WDR43: variants seen among roughly 807,000 people sequenced by gnomAD.
WDR43 encodes the protein WD repeat domain 43, also known as WD repeat-containing protein 43.
Under a neutral mutation model 91.4 loss-of-function variants are expected in WDR43, and 13 were observed. That is an observed-to-expected ratio of 0.14 (90% CI 0.09 to 0.23). WDR43 has a LOEUF of 0.23. WDR43 is among the 10% of genes least tolerant of loss of function. The pLI, the probability that WDR43 is intolerant of heterozygous loss-of-function variation, is 1.00. For synonymous variants in WDR43, 331 were observed against 287.9 expected, an observed-to-expected ratio of 1.15 and a Z score of -1.51; for missense variants, 780 against 809.4, an observed-to-expected ratio of 0.96 and a Z score of 0.44.
chr2:28,908,214 T>C (rs1670721350), intron 3 of WDR43, among the ~76,000 whole-genome samples: 1 of 152,162 alleles, frequency 6.6e-6, no homozygotes, highest in African/African-American at 2.4e-5. Flanking sequence ...GAAATTATGG[T>C]CAGAAGAGAT....
At chr2:28,932,532 T>G (rs1671268481) in intron 11 of WDR43, among the ~76,000 whole-genome samples, 1 of 152,192 alleles carries the variant, frequency 6.6e-6, no homozygotes, top group African/African-American at 2.4e-5. Context: ...GATTATGCAT[T>G]TATATATTCT....
At chr2:28,900,318 T>G (rs970567265) in intron 1 of WDR43, among the ~76,000 whole-genome samples, 1 of 152,070 alleles carries the variant, frequency 6.6e-6, no homozygotes, top group Non-Finnish European at 1.5e-5. Flanking sequence ...GTAGTTGGGA[T>G]TACTAGCGCC....
At chr2:28,933,369 A>G (rs1671283181) in intron 11 of WDR43, among the ~76,000 whole-genome samples, 1 of 152,222 alleles carries the variant, frequency 6.6e-6, no homozygotes, top group African/African-American at 2.4e-5. Context: ...ATCTCACCTT[A>G]CACAAAAATC....
chr2:28,896,269 A>G lies in WDR43; in HGVS notation c.225+1346A>G, dbSNP rs569788058. 8.5e-5 allele frequency among the ~76,000 whole-genome samples: 13 copies of G among 152,242 alleles called. No individual in the cohort carries two copies. In the South Asian group the frequency reaches 1.9e-3, roughly 22 times the overall value. ...TGGACCCAAGCTGGCTATATTGTCTATATTTGATTCTAGCCTCTGCTTCAT... is the reference window on the plus strand; with the variant it reads ...TGGACCCAAGCTGGCTATATTGTCTGTATTTGATTCTAGCCTCTGCTTCAT... On this transcript the variant is annotated intron_variant, in intron 1 of 17. Transcript: ENST00000407426.
chr2:28,930,357 C>T (rs1208812670), intron 11 of WDR43, among the ~76,000 whole-genome samples: 1 of 152,090 alleles, frequency 6.6e-6, no homozygotes, highest in African/African-American at 2.4e-5. Flanking sequence ...AAAAACAGTT[C>T]GATTCAAGTA....
At chr2:28,940,162 G>A (rs1211471588) in intron 14 of WDR43, among the ~76,000 whole-genome samples, 2 of 150,490 alleles carry the variant, frequency 1.3e-5, no homozygotes, top group Admixed American at 1.3e-4. Context: ...GTGCTACAGG[G>A]ACAGATAAAA....
intron 10 of WDR43, chr2:28,927,921 T>C: frequency 1.7e-6 from 1 of 590,866 alleles, no homozygotes; most frequent in Non-Finnish European, 2.7e-6. Flanking sequence ...AAGAGGGTGC[T>C]GTTTTGGCCA....
chr2:28,898,528 AACAC>A (rs1332879983), intron 1 of WDR43, among the ~76,000 whole-genome samples: 1 of 152,216 alleles, frequency 6.6e-6, no homozygotes, highest in Non-Finnish European at 1.5e-5. Context: ...TTATCTGTGA[AACAC>A]ACATGCAGTG....
chr2:28,932,814 TTTA>T (rs1671273084), intron 11 of WDR43, among the ~76,000 whole-genome samples: 2 of 152,334 alleles, frequency 1.3e-5, no homozygotes, highest in Admixed American at 6.5e-5. Context: ...GAGAAGCGTA[TTTA>T]TGTAATTCAT....
chr2:28,937,087 G>A, intron 13 of WDR43, 134 bp downstream of exon 13: 2 of 819,072 alleles, frequency 2.4e-6, no homozygotes, highest in Non-Finnish European at 1.9e-6. Flanking sequence ...CTTATTTTAA[G>A]TTGAATGATT....
rs1195264379 is a variant in WDR43 at position 28,919,392 on chromosome 2, G to A, written c.849+1397G>A. On this transcript the variant is annotated intron_variant, in intron 6 of 17. Transcript: ENST00000407426. ...TCTTTAAGAAAAGTAGTAGGGGCTG[G>A]GCGCTGTGGCTCACACCTGTAATCC... Among the ~76,000 whole-genome samples, 6 of 152,284 alleles carry A rather than the reference G, an allele frequency of 3.9e-5. No homozygotes were observed. In the East Asian group the frequency reaches 1.2e-3, roughly 29 times the overall value.
chr2:28,920,517 C>T (rs766061308), intron 6 of WDR43, among the ~76,000 whole-genome samples: 2 of 151,216 alleles, frequency 1.3e-5, no homozygotes, highest in Non-Finnish European at 3.0e-5. Context: ...CATAAGCCAC[C>T]CCACTCAACC....
Position 28,906,540 on chromosome 2 carries a change from A to G in WDR43, c.444A>G (p.Lys148=). 1 of 1,610,508 alleles carries G rather than the reference A, an allele frequency of 6.2e-7. No homozygotes were observed. The highest frequency in any genetic ancestry group is 8.5e-7 in the Non-Finnish European group (1 of 1,178,468). The change falls in exon 3 of 18, where the codon AAA becomes AAG. Residue 148 remains lysine, a synonymous_variant. Coordinates refer to ENST00000407426, the MANE Select transcript of WDR43 (RefSeq NM_015131.3). ...GTTTATATAGTTGTTCAGATGATAA[A>G]CATATTGTGGAATGGAACGTACAGA... ...SGCLYSCSDD[K]HIVEWNVQTC...
At chr2:28,906,306 A>G (rs568607005) in intron 2 of WDR43, among the ~76,000 whole-genome samples, 154 bp from the exon 3 acceptor site, 9 of 152,258 alleles carry the variant, frequency 5.9e-5, no homozygotes, top group Admixed American at 2.6e-4. Context: ...CATTGGCTCT[A>G]TGTAGTTCTA....
chr2:28,898,485 A>AT (rs1429357081), intron 1 of WDR43, among the ~76,000 whole-genome samples: 1 of 152,194 alleles, frequency 6.6e-6, no homozygotes, highest in Non-Finnish European at 1.5e-5. Flanking sequence ...ACTGTATGTG[A>AT]TTTTTTGTAA....
chr2:28,933,374 A>C (rs1671283333), intron 11 of WDR43, among the ~76,000 whole-genome samples: 1 of 152,240 alleles, frequency 6.6e-6, no homozygotes, highest in Admixed American at 6.5e-5. Context: ...ACCTTACACA[A>C]AAATCAATGC....
At position 28,939,116 on chromosome 2, in the gene WDR43, C is replaced by T. The variant is rs1442984751; in HGVS notation, c.1620+1122C>T. Among the ~76,000 whole-genome samples, 3 of 126,074 alleles carry T rather than the reference C, an allele frequency of 2.4e-5. No individual in the cohort carries two copies. The East Asian group carries it at 7.1e-4, about 30-fold the overall frequency. 82.7% of individuals were successfully genotyped at this position (126,074 alleles called of 152,430 possible). ...GGGTTTTTGGGAGGTGACCTGGGAG[C>T]ACTGGTGAGAGGGGTTTTGGGAGGT... On this transcript the variant is annotated intron_variant, in intron 14 of 17. Transcript: ENST00000407426.
intron 5 of WDR43, among the ~76,000 whole-genome samples, chr2:28,915,344 A>G (rs1670884980): frequency 6.6e-6 from 1 of 152,228 alleles, no homozygotes; most frequent in South Asian, 2.1e-4. Flanking sequence ...TAGAGGGTCT[A>G]ACAATTACAT....
intron 2 of WDR43, 42 bp downstream of exon 2, chr2:28,902,166 A>G (rs757244258): frequency 6.6e-7 from 1 of 1,519,760 alleles, no homozygotes; most frequent in South Asian, 1.3e-5. Context: ...TGTGACAGGG[A>G]AGCTGATTAT....
Sources: allele counts gnomAD v4.1 joint callset (sites outside exome capture counted in the v4.1 genomes callset), GRCh38; gene constraint gnomAD v4.1.1; transcripts MANE v1.5; gene names NCBI Gene and HGNC (gene_info 2026-07-23, HGNC 2026-07-21).